Variants in ADGRL2 observed in about 807,000 individuals in gnomAD.
ADGRL2 encodes the protein adhesion G protein-coupled receptor L2, also known as calcium-independent alpha-latrotoxin receptor 2.
Under a neutral mutation model 157.4 loss-of-function variants are expected in ADGRL2, and 44 were observed. That is an observed-to-expected ratio of 0.28 (90% CI 0.22 to 0.36). The LOEUF (loss-of-function observed/expected upper bound fraction) is 0.36. Among genes scored for constraint, ADGRL2 ranks in the 10% least tolerant of loss-of-function variants. The probability of loss-of-function intolerance (pLI) is 1.00; values close to 1 mark genes in which losing one functional copy is unlikely to be tolerated. For synonymous variants in ADGRL2, 585 were observed against 624.7 expected (o/e 0.94, Z 0.95); for missense variants, 1,510 against 1,768.9 (o/e 0.85, Z 2.63).
intron 3 of ADGRL2, among the ~76,000 whole-genome samples, chr1:81,624,080 A>G (rs1300123597): frequency 6.6e-6 from 1 of 152,086 alleles, no homozygotes; most frequent in African/African-American, 2.4e-5. Flanking sequence ...ATCCAAAACA[A>G]CCAGAAGCTA....
At chr1:81,742,436 C>A (rs1364913015) in intron 1 of ADGRL2, among the ~76,000 whole-genome samples, 1 of 151,932 alleles carries the variant, frequency 6.6e-6, no homozygotes, top group East Asian at 1.9e-4. Flanking sequence ...CAAATCCATC[C>A]CTTTACTATC....
chr1:81,829,435 C>T (rs939487621), intron 1 of ADGRL2, among the ~76,000 whole-genome samples: 2 of 152,112 alleles, frequency 1.3e-5, no homozygotes, highest in Admixed American at 1.3e-4. Context: ...GAACATTTGG[C>T]ATAATCGGGA....
At chr1:81,364,353 C>A (rs922877405) in intron 1 of ADGRL2, among the ~76,000 whole-genome samples, 1 of 151,994 alleles carries the variant, frequency 6.6e-6, no homozygotes, top group African/African-American at 2.4e-5. Flanking sequence ...AAATTTCAAC[C>A]TATATAATCA....
rs545097693 is a variant in ADGRL2, at chr1:81,457,534, A to T, written c.-248+12445A>T. Among the ~76,000 whole-genome samples the T allele has an allele frequency of 1.9e-3, 293 of 152,298 alleles. 2 individuals carry two copies. Among genetic ancestry groups the T allele is most frequent in the African/African-American group, 7.0e-3 (291 of 41,580 alleles). ...TATTAAAGCAATACTATTAAACAGT[A>T]TTTGATTATTGACTAATAACCAAAG... On this transcript the variant is annotated intron_variant, in intron 2 of 24. Coordinates refer to the ADGRL2 transcript ENST00000370721.
At chr1:81,873,828 A>G (rs1168730284) in intron 2 of ADGRL2, among the ~76,000 whole-genome samples, 1 of 152,132 alleles carries the variant, frequency 6.6e-6, no homozygotes, top group Non-Finnish European at 1.5e-5. Context: ...AAGTTGCTGA[A>G]AATAATTTGA....
At chr1:81,543,352 G>A (rs1192944586) in intron 2 of ADGRL2, among the ~76,000 whole-genome samples, 1 of 151,898 alleles carries the variant, frequency 6.6e-6, no homozygotes, top group African/African-American at 2.4e-5. Flanking sequence ...AGGACACAAG[G>A]AGAAGGCATT....
intron 3 of ADGRL2, among the ~76,000 whole-genome samples, chr1:81,641,755 C>T (rs1464320754): frequency 6.6e-6 from 1 of 152,058 alleles, no homozygotes; most frequent in Non-Finnish European, 1.5e-5. Flanking sequence ...ATCACCTAAG[C>T]TTCTACCTTA....
intron 3 of ADGRL2, among the ~76,000 whole-genome samples, chr1:81,622,205 A>G (rs1352821936): frequency 6.6e-6 from 1 of 152,212 alleles, no homozygotes; most frequent in Non-Finnish European, 1.5e-5. Flanking sequence ...AGCACAAGAA[A>G]TGTGCACTAA....
chr1:81,369,183 A>C (rs1310971058), intron 1 of ADGRL2, among the ~76,000 whole-genome samples: 2 of 152,128 alleles, frequency 1.3e-5, no homozygotes, highest in Non-Finnish European at 2.9e-5. Context: ...AGAGACACAC[A>C]CAGGCAGAGA....
intron 1 of ADGRL2, among the ~76,000 whole-genome samples, chr1:81,387,551 T>A (rs1026753674): frequency 6.6e-6 from 1 of 152,158 alleles, no homozygotes; most frequent in Non-Finnish European, 1.5e-5. Context: ...ATTGTCCTCT[T>A]TTATAGAAGA....
intron 2 of ADGRL2, among the ~76,000 whole-genome samples, chr1:81,571,998 G>A (rs936750429): frequency 2.6e-5 from 4 of 152,158 alleles, no homozygotes; most frequent in African/African-American, 4.8e-5. Context: ...AAAGTAAATA[G>A]CAGGTAAGAA....
At chr1:81,571,819 T>A (rs2080700001) in intron 2 of ADGRL2, among the ~76,000 whole-genome samples, 1 of 152,172 alleles carries the variant, frequency 6.6e-6, no homozygotes. Flanking sequence ...TCTCTAGACC[T>A]TATATATTGT....
intron 3 of ADGRL2, among the ~76,000 whole-genome samples, chr1:81,932,716 G>A (rs992303491): frequency 5.9e-5 from 9 of 151,348 alleles, no homozygotes; most frequent in East Asian, 1.9e-4. Flanking sequence ...TTTTTTTGAC[G>A]GAGTTTCACT....
At chr1:81,944,536 TA>T (rs1302490116) in intron 6 of ADGRL2, among the ~76,000 whole-genome samples, 1 of 152,110 alleles carries the variant, frequency 6.6e-6, no homozygotes, top group Non-Finnish European at 1.5e-5. Context: ...AATACTTCAT[TA>T]AAACAAGATT....
chr1:81,950,336 C>T lies in ADGRL2; in HGVS notation c.1358C>T (p.Ala453Val). 6.2e-7 allele frequency: 1 copy of T among 1,614,104 alleles called. No individual in the cohort carries two copies. Among genetic ancestry groups the T allele is most frequent in the South Asian group, 1.1e-5 (1 of 91,082 alleles). The change falls in exon 7 of 24, where the codon GCA becomes GTA. Residue 453 changes from alanine (A) to valine (V), a missense_variant. This residue lies in a region of ADGRL2 where 325 missense variants were observed against 333.2 expected (regional missense o/e 0.98). Transcript: ENST00000686636. ...EGSKGTKPPP[A>V]VSTTKIPPIT... ...AGCAAAGGGACAAAACCACCTCCAG[C>T]AGTTTCTACAACCAAAATTCCACCT...
rs1455244820 is a variant in ADGRL2, at chr1:81,943,863, C to G, written c.1210+94C>G. The stretch of plus-strand genomic sequence containing the variant: ...AATTTTTTTTTCCTATTTTCTTCCC[C>G]TTTTCATAGTTAAAGGACAAAGGAC... On this transcript the variant is annotated intron_variant, in intron 6 of 23. Transcript: ENST00000686636. This position sits in a 1 kb window ranked among gnomAD's most constrained non-coding sequence, Gnocchi z 5.6. 4.2e-6 allele frequency: 4 copies of G among 942,030 alleles called. No homozygotes were observed. The East Asian group carries it at 1.0e-4, about 24-fold the overall frequency. The allele number at this position is 942,030 out of a possible 1,614,324, so 58.4% of individuals were successfully genotyped here.
intron 17 of ADGRL2, 137 bp from the exon 18 acceptor site, chr1:81,979,732 A>T (rs565285103): frequency 3.0e-5 from 17 of 569,050 alleles, no homozygotes; most frequent in Non-Finnish European, 4.4e-5. Context: ...TTTTATGTAG[A>T]CTCAACTTGA....
intron 2 of ADGRL2, among the ~76,000 whole-genome samples, chr1:81,451,420 A>C (rs2077700494): frequency 6.6e-6 from 1 of 152,224 alleles, no homozygotes; most frequent in Non-Finnish European, 1.5e-5. Flanking sequence ...ATATCAAAAC[A>C]TATGAAGAAG....
At chr1:81,358,824 AT>A (rs2075918188) in intron 1 of ADGRL2, among the ~76,000 whole-genome samples, 1 of 152,144 alleles carries the variant, frequency 6.6e-6, no homozygotes, top group Admixed American at 6.5e-5. Context: ...ACACAAACTT[AT>A]AATTAGAAAT....
Sources: gnomAD v4.1 joint callset for allele counts (sites outside exome capture counted in the v4.1 genomes callset) on GRCh38, gnomAD v4.1.1 for gene constraint, gnomAD v4.1.1 regional missense constraint, Gnocchi (gnomAD v3.1) non-coding constraint, MANE v1.5 for transcripts, NCBI Gene and HGNC (gene_info 2026-07-23, HGNC 2026-07-21) for gene names.